ENPP6: variants seen among roughly 807,000 people sequenced by gnomAD.
ENPP6 encodes ectonucleotide pyrophosphatase/phosphodiesterase 6.
In ENPP6, 32 loss-of-function variants were observed where a neutral mutation model predicts 42.0. That is an observed-to-expected ratio of 0.76 (90% CI 0.58 to 1.02). ENPP6 has a LOEUF of 1.02. Among genes scored for constraint, ENPP6 ranks in the 50% least tolerant of loss-of-function variants. ENPP6 has a pLI of 0.00. For synonymous variants in ENPP6, 213 were observed against 216.0 expected, an observed-to-expected ratio of 0.99 and a Z score of 0.12; for missense variants, 552 against 566.8, an observed-to-expected ratio of 0.97 and a Z score of 0.27.
intron 1 of ENPP6, among the ~76,000 whole-genome samples, chr4:184,163,565 G>A (rs12643106): frequency 6.6e-6 from 1 of 151,996 alleles, no homozygotes; most frequent in Non-Finnish European, 1.5e-5. Context: ...ACACAACATT[G>A]TATTCACGTG....
chr4:184,138,766 T>A (rs2111365998), intron 2 of ENPP6, among the ~76,000 whole-genome samples: 1 of 152,294 alleles, frequency 6.6e-6, no homozygotes, highest in South Asian at 2.1e-4. Context: ...AACTGTGATA[T>A]CCTGGAAGCA....
intron 6 of ENPP6, among the ~76,000 whole-genome samples, chr4:184,101,334 GTGTGTGTGTGTGTGTGTA>G (rs1439610980): frequency 1.1e-3 from 165 of 150,704 alleles, no homozygotes; most frequent in African/African-American, 3.9e-3. Context: ...GTGTGTGTGT[GTGTGTGTGTGTGTGTGTA>G]GCACTGGGGT....
chr4:184,124,585 T>C (rs1025756625), intron 2 of ENPP6, among the ~76,000 whole-genome samples: 5 of 152,196 alleles, frequency 3.3e-5, no homozygotes, highest in African/African-American at 9.7e-5. Flanking sequence ...AATACCTCAA[T>C]TGAAAATTTC....
intron 1 of ENPP6, among the ~76,000 whole-genome samples, chr4:184,195,048 G>A (rs1045779665): frequency 5.9e-5 from 9 of 152,090 alleles, no homozygotes; most frequent in South Asian, 4.2e-4. Flanking sequence ...TAAAATATAC[G>A]TAACACAAAA....
rs1735735535 is a variant in ENPP6 at position 184,088,799 on chromosome 4, T to C, written c.*2378A>G. On this transcript the variant is annotated 3_prime_UTR_variant, in exon 8 of 8. Coordinates refer to ENST00000296741, the MANE Select transcript of ENPP6 (RefSeq NM_153343.4). ...ATTCATGATTCCTTTTGTAACTTGT[T>C]CTCAGTCATTTATTCAGTTGAGTAA... The C allele has an allele frequency of 6.6e-6, 1 of 152,248 alleles. No individual in the cohort carries two copies. The highest frequency in any genetic ancestry group is 2.4e-5 in the African/African-American group (1 of 41,458). The allele number at this position is 152,248 out of a possible 1,614,324, so 9.4% of individuals were successfully genotyped here.
intron 1 of ENPP6, among the ~76,000 whole-genome samples, chr4:184,205,561 C>T (rs1732981491): frequency 6.6e-6 from 1 of 152,234 alleles, no homozygotes; most frequent in Non-Finnish European, 1.5e-5. Flanking sequence ...CGTTAGATTC[C>T]ACTTGGGGTA....
At chr4:184,113,206 A>T (rs1037491347) in intron 5 of ENPP6, among the ~76,000 whole-genome samples, 11 of 152,268 alleles carry the variant, frequency 7.2e-5, no homozygotes, top group Non-Finnish European at 1.6e-4. Flanking sequence ...TGAATGAATT[A>T]TAGCTACAAA....
At chr4:184,127,098 C>A (rs571139458) in intron 2 of ENPP6, among the ~76,000 whole-genome samples, 14 of 152,112 alleles carry the variant, frequency 9.2e-5, no homozygotes, top group African/African-American at 2.9e-4. Flanking sequence ...TTGACTAAAT[C>A]AAAATTGATA....
intron 3 of ENPP6, among the ~76,000 whole-genome samples, chr4:184,119,909 C>A (rs1055351647): frequency 1.4e-4 from 22 of 152,194 alleles, no homozygotes; most frequent in Admixed American, 1.3e-3. Context: ...GAGGCCTCCC[C>A]AGCCCTGTAG....
At chr4:184,173,788 G>A (rs541156586) in intron 1 of ENPP6, among the ~76,000 whole-genome samples, 64 of 152,190 alleles carry the variant, frequency 4.2e-4, no homozygotes, top group Non-Finnish European at 8.1e-4. Flanking sequence ...ACGGAGAATA[G>A]GAGGGCATGA....
chr4:184,206,404 G>C (rs3970314), intron 1 of ENPP6, among the ~76,000 whole-genome samples: 19,285 of 68,518 alleles, frequency 0.28, 5,196 homozygotes, highest in African/African-American at 0.57. Context: ...ACTACAGGCG[G>C]GCGCCACCAG....
chr4:184,091,958 G>A (rs941001111), intron 7 of ENPP6, among the ~76,000 whole-genome samples: 2 of 152,182 alleles, frequency 1.3e-5, no homozygotes, highest in Non-Finnish European at 2.9e-5. Flanking sequence ...TGTGACAACA[G>A]CACTTTCTTT....
chr4:184,211,494 T>C (rs1394218479), intron 1 of ENPP6, among the ~76,000 whole-genome samples: 1 of 152,042 alleles, frequency 6.6e-6, no homozygotes, highest in Non-Finnish European at 1.5e-5. Flanking sequence ...CTAGAAGAAA[T>C]GGATACATTC....
At position 184,112,490 on chromosome 4, in the gene ENPP6, C is replaced by T; in HGVS notation, c.993+182G>A. 2.2e-5 allele frequency: 16 copies of T among 727,494 alleles called. No homozygotes were observed. The South Asian group carries it at 3.3e-4, about 15-fold the overall frequency. The allele number at this position is 727,494 out of a possible 1,614,324, so 45.1% of individuals were successfully genotyped here. A position where few individuals can be genotyped will look rare whatever the true frequency, so the allele number is the denominator to read the frequency against. On this transcript the variant is annotated intron_variant, in intron 6 of 7. Transcript: ENST00000296741. ...AACCATGACTCTGGGTTCGCGTCTA[C>T]AGTTGTGTCTACAAAGTTACCCGAT...
intron 1 of ENPP6, among the ~76,000 whole-genome samples, chr4:184,154,939 T>A (rs533619626): frequency 1.3e-5 from 2 of 152,236 alleles, no homozygotes; most frequent in African/African-American, 4.8e-5. Context: ...CTTACATATA[T>A]AGTCCTATGT....
intron 1 of ENPP6, among the ~76,000 whole-genome samples, chr4:184,174,441 A>G (rs996527656): frequency 5.3e-5 from 8 of 152,202 alleles, no homozygotes; most frequent in African/African-American, 1.9e-4. Flanking sequence ...ACAAGATACT[A>G]TCACCTGCAA....
chr4:184,097,518 C>T, intron 6 of ENPP6, 150 bp from the exon 7 acceptor site: 1 of 1,134,092 alleles, frequency 8.8e-7, no homozygotes, highest in Non-Finnish European at 1.2e-6. Context: ...GCGGCACTTC[C>T]TGCTCCAGGC....
rs1198238640 is a variant in ENPP6, at chr4:184,142,453, A to G, written c.421+11101T>C. On this transcript the variant is annotated intron_variant, in intron 2 of 7. Coordinates refer to ENST00000296741, the MANE Select transcript of ENPP6 (RefSeq NM_153343.4). ...TGGGAACAAGTCCTTGGGGGAAAGC[A>G]TGGCCTTTGATCTCAGAGACACTTT... 2.0e-5 allele frequency among the ~76,000 whole-genome samples: 3 copies of G among 152,240 alleles called. No individual in the cohort carries two copies. The East Asian group carries it at 5.8e-4, about 29-fold the overall frequency.
chr4:184,093,652 T>C (rs1206642064), intron 7 of ENPP6, among the ~76,000 whole-genome samples: 1 of 144,206 alleles, frequency 6.9e-6, no homozygotes, highest in Non-Finnish European at 1.5e-5. Flanking sequence ...ATAATAATAA[T>C]AATAATAATA....
Sources: allele counts gnomAD v4.1 joint callset (sites outside exome capture counted in the v4.1 genomes callset), GRCh38; gene constraint gnomAD v4.1.1; transcripts MANE v1.5; gene names NCBI Gene and HGNC (gene_info 2026-07-23, HGNC 2026-07-21).